The following ANKRD17 variants were observed in gnomAD, a reference collection of about 807,000 sequenced individuals.
ANKRD17 encodes the protein ankyrin repeat domain 17.
In ANKRD17, 19 loss-of-function variants were observed where a neutral mutation model predicts 229.7. That is an observed-to-expected ratio of 0.08 (90% CI 0.06 to 0.12). The LOEUF is 0.12. Among genes scored for constraint, ANKRD17 ranks in the 10% least tolerant of loss-of-function variants. The pLI, the probability that ANKRD17 is intolerant of heterozygous loss-of-function variation, is 1.00. For synonymous variants in ANKRD17, 1,112 were observed against 1,146.1 expected, an observed-to-expected ratio of 0.97 and a Z score of 0.60; for missense variants, 2,176 against 3,176.8, an observed-to-expected ratio of 0.68 and a Z score of 7.57.
intron 7 of ANKRD17, 100 bp from the exon 8 acceptor site, chr4:73,149,150 T>G: frequency 1.1e-6 from 1 of 948,056 alleles, no homozygotes; most frequent in Admixed American, 2.5e-5. Flanking sequence ...TTTATCTATC[T>G]CCACTCAAAA....
intron 16 of ANKRD17, among the ~76,000 whole-genome samples, chr4:73,125,777 T>C (rs1049701086): frequency 5.3e-5 from 8 of 151,800 alleles, no homozygotes; most frequent in Non-Finnish European, 1.2e-4. Flanking sequence ...AAGGTTTACT[T>C]GTTTCCATAT....
intron 2 of ANKRD17, among the ~76,000 whole-genome samples, chr4:73,171,351 C>T (rs892866185): frequency 2.6e-5 from 4 of 152,132 alleles, no homozygotes; most frequent in Non-Finnish European, 5.9e-5. Context: ...AAAATCATAG[C>T]GATACTGGGA....
At chr4:73,174,332 T>C (rs997583259) in intron 2 of ANKRD17, among the ~76,000 whole-genome samples, 6 of 152,070 alleles carry the variant, frequency 3.9e-5, no homozygotes, top group South Asian at 4.1e-4. Context: ...AAAACAAAAA[T>C]TGCATGATCA....
chr4:73,177,065 G>A (rs1734829973), intron 2 of ANKRD17, among the ~76,000 whole-genome samples: 1 of 152,154 alleles, frequency 6.6e-6, no homozygotes, highest in African/African-American at 2.4e-5. Flanking sequence ...AAGACCGCTA[G>A]TACTGATTTT....
intron 20 of ANKRD17, 122 bp downstream of exon 20, chr4:73,120,754 TAATTA>T (rs1231553871): frequency 1.3e-6 from 1 of 786,938 alleles, no homozygotes; most frequent in Non-Finnish European, 1.9e-6. Flanking sequence ...GAATGATTTC[TAATTA>T]AATATATACA....
At chr4:73,158,269 T>A (rs1213262833) in intron 3 of ANKRD17, among the ~76,000 whole-genome samples, 1 of 152,200 alleles carries the variant, frequency 6.6e-6, no homozygotes, top group Non-Finnish European at 1.5e-5. Context: ...TCACTCACAG[T>A]AAAAGCTGAA....
chr4:73,149,210 C>T (rs1274705410), intron 7 of ANKRD17, among the ~76,000 whole-genome samples, 160 bp from the exon 8 acceptor site: 1 of 152,008 alleles, frequency 6.6e-6, no homozygotes, highest in Non-Finnish European at 1.5e-5. Context: ...TTATTATGCA[C>T]TGCCTATATT....
intron 25 of ANKRD17, among the ~76,000 whole-genome samples, chr4:73,101,959 C>A (rs1215016247): frequency 6.6e-6 from 1 of 151,914 alleles, no homozygotes; most frequent in East Asian, 1.9e-4. Flanking sequence ...GATAGAAGGT[C>A]TTGCTCTGTC....
At chr4:73,234,616 T>C (rs924787708) in intron 1 of ANKRD17, among the ~76,000 whole-genome samples, 4 of 152,220 alleles carry the variant, frequency 2.6e-5, no homozygotes, top group African/African-American at 9.6e-5. Flanking sequence ...TATACGCAGG[T>C]ACCCCAAAAA....
chr4:73,097,060 A>C (rs1723383864), intron 27 of ANKRD17, 57 bp downstream of exon 27: 1 of 1,540,892 alleles, frequency 6.5e-7, no homozygotes, highest in Non-Finnish European at 8.7e-7. Flanking sequence ...TATAAGGTAG[A>C]TAACACTTGA....
At position 73,101,424 on chromosome 4, in the gene ANKRD17, G is replaced by T. The variant is rs1473917342; in HGVS notation, c.4573+952C>A. Among the ~76,000 whole-genome samples, 4 of 152,282 alleles carry T rather than the reference G, an allele frequency of 2.6e-5. No homozygotes were observed. In the Middle Eastern group the frequency reaches 0.01, roughly 388 times the overall value. ...CATGCCTGTAATCCCAGTACTTTGG[G>T]TGGCTGAGGCAGGGGGGATCACTTG... On this transcript the variant is annotated intron_variant, in intron 25 of 33. Transcript: ENST00000358602.
chr4:73,144,788 T>C lies in ANKRD17; in HGVS notation c.1914A>G (p.Ala638=). The C allele has an allele frequency of 6.2e-7, 1 of 1,606,676 alleles. No individual in the cohort carries two copies. The highest frequency in any genetic ancestry group is 8.5e-7 in the Non-Finnish European group (1 of 1,177,450). ...GAACAGTACAAACATGACCAGCTCT[T>C]GCAGCTTTCATTAAAGGAGTTCTTC... ...EGGRTPLMKA[A]RAGHVCTVQF... The change falls in exon 11 of 34, where the codon GCA becomes GCG. Residue 638 remains alanine, a synonymous_variant. Transcript: ENST00000358602.
chr4:73,178,768 A>G (rs1005558380), intron 1 of ANKRD17, among the ~76,000 whole-genome samples: 11 of 152,150 alleles, frequency 7.2e-5, no homozygotes, highest in African/African-American at 2.2e-4. Context: ...GAATTAGAAA[A>G]TAACAAACTC....
chr4:73,257,103 A>G (rs1351347636), intron 1 of ANKRD17, among the ~76,000 whole-genome samples: 1 of 152,220 alleles, frequency 6.6e-6, no homozygotes, highest in Non-Finnish European at 1.5e-5. Flanking sequence ...CTTTTAGATG[A>G]ATCACTTGGT....
intron 1 of ANKRD17, among the ~76,000 whole-genome samples, chr4:73,182,720 A>T (rs146081109): frequency 1.4e-4 from 22 of 152,352 alleles, no homozygotes; most frequent in Non-Finnish European, 2.8e-4. Context: ...TAGACGTGTA[A>T]ATAACTTCCA....
intron 3 of ANKRD17, among the ~76,000 whole-genome samples, chr4:73,158,333 T>G (rs1732048420): frequency 6.6e-6 from 1 of 152,184 alleles, no homozygotes; most frequent in African/African-American, 2.4e-5. Context: ...TCCCTTTTAC[T>G]TCTCTGGCTT....
intron 16 of ANKRD17, among the ~76,000 whole-genome samples, chr4:73,128,251 A>AT (rs534128689): frequency 6.6e-6 from 1 of 152,262 alleles, no homozygotes; most frequent in African/African-American, 2.4e-5. Flanking sequence ...GAAGATCTTG[A>AT]TAACAAAATC....
At chr4:73,229,633 CAG>C (rs906352286) in intron 1 of ANKRD17, among the ~76,000 whole-genome samples, 6 of 149,924 alleles carry the variant, frequency 4.0e-5, no homozygotes, top group Admixed American at 6.6e-5. Context: ...AACCACAATG[CAG>C]AGTCTATATA....
intron 8 of ANKRD17, 131 bp downstream of exon 8, chr4:73,148,682 C>G: frequency 1.2e-6 from 1 of 820,954 alleles, no homozygotes; most frequent in Non-Finnish European, 1.9e-6. Context: ...ACAGTAAATA[C>G]TTTATCACTG....
Sources: gnomAD v4.1 joint callset for allele counts (sites outside exome capture counted in the v4.1 genomes callset) on GRCh38, gnomAD v4.1.1 for gene constraint, MANE v1.5 for transcripts, NCBI Gene and HGNC (gene_info 2026-07-23, HGNC 2026-07-21) for gene names.